Variants in PALLD observed in about 807,000 individuals in gnomAD.
PALLD encodes palladin, cytoskeletal associated protein.
PALLD carries 61 observed loss-of-function variants against 123.5 expected under a neutral mutation model. That is an observed-to-expected ratio of 0.49 (90% confidence interval 0.40 to 0.61). PALLD has a LOEUF of 0.61. Ranked by LOEUF, PALLD falls within the 20% of genes least tolerant of loss-of-function variation. The pLI is 0.00. For missense variants in PALLD, 1,273 were observed against 1,377.0 expected (o/e 0.92, Z 1.20); for synonymous variants, 465 against 496.4 (o/e 0.94, Z 0.84).
At chr4:168,808,096 T>C (rs1166463662) in intron 10 of PALLD, among the ~76,000 whole-genome samples, 1 of 151,928 alleles carries the variant, frequency 6.6e-6, no homozygotes, top group Non-Finnish European at 1.5e-5. Flanking sequence ...GTAATATAAG[T>C]ACTACATATC....
At chr4:168,507,360 C>T (rs2149413359) in intron 1 of PALLD, 1 of 179,884 alleles carries the variant, frequency 5.6e-6, no homozygotes, top group South Asian at 2.0e-4. Flanking sequence ...GAATCACCAG[C>T]TCTCACTTCA....
At chr4:168,500,814 C>T (rs1246330911) in intron 1 of PALLD, among the ~76,000 whole-genome samples, 1 of 152,080 alleles carries the variant, frequency 6.6e-6, no homozygotes, top group Non-Finnish European at 1.5e-5. Flanking sequence ...TCTATTTTTT[C>T]TATCATTTGT....
chr4:168,643,719 G>A (rs538470815), intron 2 of PALLD, among the ~76,000 whole-genome samples: 9 of 152,232 alleles, frequency 5.9e-5, no homozygotes, highest in Admixed American at 5.2e-4. Flanking sequence ...GGAAATATAA[G>A]CACAGTTCTA....
In PALLD at chr4:168,746,413, G is replaced by T. The variant is rs559574330; in HGVS notation, c.1964+34490G>T. Among the ~76,000 whole-genome samples, 674 of 92,080 alleles carry T rather than the reference G, an allele frequency of 7.3e-3. 10 individuals are homozygous for T. The highest frequency in any genetic ancestry group is 0.023 in the African/African-American group (632 of 26,906). 60.4% of individuals were successfully genotyped at this position (92,080 alleles called of 152,430 possible). On this transcript the variant is annotated intron_variant, in intron 10 of 21. Transcript: ENST00000505667. ...AAAAAAAAAAAAAAAAAAAAAAAGA[G>T]GAGGGACTTCAAACCTTAGTGCTGG... is the stretch of plus-strand genomic sequence containing the variant.
At chr4:168,878,534 G>T in intron 10 of PALLD, 1 of 594,684 alleles carries the variant, frequency 1.7e-6, no homozygotes, top group Non-Finnish European at 2.7e-6. Context: ...CTCTCCGTGC[G>T]ATGTAAAAAT....
chr4:168,567,759 GACA>G (rs1333410700), intron 2 of PALLD, among the ~76,000 whole-genome samples: 2 of 151,852 alleles, frequency 1.3e-5, no homozygotes, highest in Non-Finnish European at 2.9e-5. Flanking sequence ...TGTACACATG[GACA>G]TAGTGAATGG....
chr4:168,716,171 CT>C (rs907428220), intron 10 of PALLD, among the ~76,000 whole-genome samples: 1 of 152,116 alleles, frequency 6.6e-6, no homozygotes, highest in Non-Finnish European at 1.5e-5. Context: ...TTTTTATCTT[CT>C]TCCTTTGTCT....
At chr4:168,850,247 A>C (rs1747541163) in intron 10 of PALLD, among the ~76,000 whole-genome samples, 1 of 152,206 alleles carries the variant, frequency 6.6e-6, no homozygotes, top group East Asian at 1.9e-4. Flanking sequence ...TTCTTCTGCA[A>C]CCTGGCTCCT....
intron 10 of PALLD, among the ~76,000 whole-genome samples, chr4:168,788,147 A>T (rs62334301): frequency 6.6e-6 from 1 of 152,098 alleles, no homozygotes; most frequent in African/African-American, 2.4e-5. Flanking sequence ...AGGTGAAATG[A>T]TCTCATTCCT....
chr4:168,599,999 A>G (rs1772396328), intron 2 of PALLD, among the ~76,000 whole-genome samples: 1 of 146,234 alleles, frequency 6.8e-6, no homozygotes, highest in Non-Finnish European at 1.5e-5. Flanking sequence ...GTGTATACAC[A>G]CACGTATATA....
intron 2 of PALLD, among the ~76,000 whole-genome samples, chr4:168,625,307 G>A (rs1255249901): frequency 1.3e-5 from 2 of 151,528 alleles, no homozygotes; most frequent in East Asian, 1.9e-4. Context: ...CTCAAAACAG[G>A]GTAAAAGATT....
intron 10 of PALLD, among the ~76,000 whole-genome samples, chr4:168,732,009 T>A (rs1787224300): frequency 6.6e-6 from 1 of 152,188 alleles, no homozygotes; most frequent in Admixed American, 6.5e-5. Context: ...AGGCTGAAAA[T>A]TAATACTTAA....
intron 10 of PALLD, among the ~76,000 whole-genome samples, chr4:168,765,851 G>A (rs1025194116): frequency 1.3e-5 from 2 of 152,212 alleles, no homozygotes; most frequent in Non-Finnish European, 1.5e-5. Context: ...AATTACTCAT[G>A]GGGGTGTGGA....
intron 10 of PALLD, among the ~76,000 whole-genome samples, chr4:168,858,466 A>G (rs1748940695): frequency 6.6e-6 from 1 of 152,206 alleles, no homozygotes; most frequent in African/African-American, 2.4e-5. Flanking sequence ...AAAGATGGAT[A>G]ACTAATAACA....
chr4:168,742,183 G>A (rs1024506098), intron 10 of PALLD, among the ~76,000 whole-genome samples: 7 of 152,186 alleles, frequency 4.6e-5, no homozygotes, highest in East Asian at 1.9e-4. Flanking sequence ...TGTAGAGGTC[G>A]TGGCTTCTCT....
At chr4:168,668,136 C>G in intron 2 of PALLD, 54 bp from the exon 3 acceptor site, 1 of 1,385,186 alleles carries the variant, frequency 7.2e-7, no homozygotes, top group Non-Finnish European at 1.0e-6. Context: ...TTGTTTTAAA[C>G]ATCACCATTT....
chr4:168,645,492 A>G (rs1777359133), intron 2 of PALLD, among the ~76,000 whole-genome samples: 1 of 152,204 alleles, frequency 6.6e-6, no homozygotes, highest in Non-Finnish European at 1.5e-5. Flanking sequence ...AATCCCTTTA[A>G]GTAGACTGAT....
chr4:168,685,271 A>T (rs959178223), intron 5 of PALLD, among the ~76,000 whole-genome samples: 1 of 152,228 alleles, frequency 6.6e-6, no homozygotes, highest in East Asian at 1.9e-4. Context: ...TTTACCTTGA[A>T]TATCCTTTTG....
chr4:168,634,634 C>A (rs1163574162), intron 2 of PALLD, among the ~76,000 whole-genome samples: 1 of 152,186 alleles, frequency 6.6e-6, no homozygotes, highest in African/African-American at 2.4e-5. Flanking sequence ...GGTAGCGACT[C>A]CCCGTCTACT....
Sources: allele counts gnomAD v4.1 joint callset (sites outside exome capture counted in the v4.1 genomes callset), GRCh38; gene constraint gnomAD v4.1.1; transcripts MANE v1.5; gene names NCBI Gene and HGNC (gene_info 2026-07-23, HGNC 2026-07-21).